SNX29: variants seen among roughly 807,000 people sequenced by gnomAD.
The protein encoded by SNX29 is sorting nexin-29.
SNX29 carries 78 observed loss-of-function variants against 102.1 expected under a neutral mutation model. The ratio of observed to expected loss-of-function variants is 0.76; its 90% CI spans 0.64 to 0.92. SNX29 has a LOEUF of 0.92. SNX29 is among the 40% of genes least tolerant of loss of function. The probability of loss-of-function intolerance (pLI) is 0.00; values close to 1 mark genes in which losing one functional copy is unlikely to be tolerated. For missense variants in SNX29, 1,280 were observed against 1,061.7 expected, an observed-to-expected ratio of 1.21 and a Z score of -2.86; for synonymous variants, 580 against 414.5, an observed-to-expected ratio of 1.40 and a Z score of -4.85.
intron 20 of SNX29, chr16:12,557,502 C>G (rs911729517): frequency 6.6e-6 from 1 of 152,170 alleles, no homozygotes; most frequent in African/African-American, 2.4e-5. Context: ...GCTGGGATTA[C>G]AGGAACACAC....
rs562573434 is a variant in SNX29 at position 12,154,703 on chromosome 16, G to A, written c.1595+24945G>A. 2.6e-5 allele frequency among the ~76,000 whole-genome samples: 4 copies of A among 152,304 alleles called. No individual in the cohort carries two copies. In the South Asian group the frequency reaches 6.2e-4, roughly 24 times the overall value. On this transcript the variant is annotated intron_variant, in intron 13 of 20. Coordinates refer to ENST00000566228, the MANE Select transcript of SNX29 (RefSeq NM_032167.5). ...AACAACAAATAGATCTCTCATGGTT[G>A]TGGAGGCTGGAAGTCCAAGATCAAG...
At chr16:12,520,152 G>A (rs1384928724) in intron 19 of SNX29, among the ~76,000 whole-genome samples, 1 of 152,188 alleles carries the variant, frequency 6.6e-6, no homozygotes, top group Non-Finnish European at 1.5e-5. Context: ...CAGGGTGTCT[G>A]CACCTCTAGG....
chr16:12,254,533 C>T (rs778443274), intron 14 of SNX29, among the ~76,000 whole-genome samples: 9 of 151,924 alleles, frequency 5.9e-5, no homozygotes, highest in East Asian at 3.9e-4. Flanking sequence ...CCCAGCTACT[C>T]GGGAGGCTAA....
intron 15 of SNX29, among the ~76,000 whole-genome samples, chr16:12,301,537 G>T (rs2080173345): frequency 6.6e-6 from 1 of 152,222 alleles, no homozygotes; most frequent in Non-Finnish European, 1.5e-5. Context: ...ATCCAATGGT[G>T]CCTTCTGTCT....
At chr16:12,399,710 G>A (rs1401871897) in intron 17 of SNX29, among the ~76,000 whole-genome samples, 1 of 152,170 alleles carries the variant, frequency 6.6e-6, no homozygotes, top group Non-Finnish European at 1.5e-5. Context: ...GGCTATTCAT[G>A]TTGGGGCAGC....
At chr16:12,563,358 CTT>C (rs1227818178) in intron 20 of SNX29, among the ~76,000 whole-genome samples, 6 of 152,044 alleles carry the variant, frequency 3.9e-5, no homozygotes, top group African/African-American at 9.6e-5. Flanking sequence ...CTGAGCCTGT[CTT>C]TTATCGCCAC....
chr16:12,058,877 C>A (rs566665409), intron 8 of SNX29, among the ~76,000 whole-genome samples: 18 of 149,520 alleles, frequency 1.2e-4, no homozygotes, highest in African/African-American at 4.2e-4. Flanking sequence ...CTGCAGCCCT[C>A]GACCTCCCAG....
At chr16:12,395,823 A>G (rs750260926) in intron 16 of SNX29, among the ~76,000 whole-genome samples, 5 of 109,502 alleles carry the variant, frequency 4.6e-5, no homozygotes, top group Non-Finnish European at 1.0e-4. Context: ...TCAGCTCTCT[A>G]AAGGGCTGCT....
At chr16:12,561,897 C>T (rs1013745371) in intron 20 of SNX29, among the ~76,000 whole-genome samples, 4 of 152,136 alleles carry the variant, frequency 2.6e-5, no homozygotes, top group East Asian at 3.9e-4. Context: ...CGTGGCATCC[C>T]AGGAGTTCCT....
chr16:12,228,544 T>G (rs1339298062), intron 14 of SNX29, among the ~76,000 whole-genome samples: 1 of 152,220 alleles, frequency 6.6e-6, no homozygotes, highest in Non-Finnish European at 1.5e-5. Flanking sequence ...GCTCAAGATA[T>G]TTTCCTGCTT....
At chr16:12,097,723 G>C (rs1279063883) in intron 11 of SNX29, among the ~76,000 whole-genome samples, 1 of 152,136 alleles carries the variant, frequency 6.6e-6, no homozygotes, top group Admixed American at 6.5e-5. Context: ...ATCTCAGCTG[G>C]GCCAGGCAGC....
intron 20 of SNX29, chr16:12,546,493 A>G (rs1025422067): frequency 1.7e-4 from 26 of 152,192 alleles, no homozygotes; most frequent in Admixed American, 1.3e-4. Context: ...ACAGCACAGG[A>G]AAGACTCGCC....
rs140663791 is a variant in SNX29, at chr16:12,571,215, G to A, written c.*2586G>A. The A allele has an allele frequency of 2.0e-3, 457 of 232,358 alleles. 1 individual carries two copies. The highest frequency in any genetic ancestry group is 9.3e-3 in the African/African-American group (422 of 45,408). 14.4% of individuals were successfully genotyped at this position (232,358 alleles called of 1,614,324 possible). ...CTTCAGGCAACAAACAACTGGCAGGGTTCCCAGTTCCTGGAGTTATGGAGC... is the reference window on the plus strand; with the variant it reads ...CTTCAGGCAACAAACAACTGGCAGGATTCCCAGTTCCTGGAGTTATGGAGC... On this transcript the variant is annotated 3_prime_UTR_variant, in exon 21 of 21. Coordinates refer to ENST00000566228, the MANE Select transcript of SNX29 (RefSeq NM_032167.5).
intron 20 of SNX29, among the ~76,000 whole-genome samples, chr16:12,549,015 T>C (rs2561036): frequency 0.33 from 49,728 of 152,126 alleles, 10,147 homozygotes; most frequent in East Asian, 0.74. Context: ...TGTAACAGCA[T>C]AAAAAGCTTG....
chr16:12,546,601 G>C (rs974679545), intron 20 of SNX29: 1 of 152,124 alleles, frequency 6.6e-6, no homozygotes, highest in East Asian at 1.9e-4. Flanking sequence ...GGATAATACA[G>C]GTGGAACATA....
chr16:11,979,942 C>T (rs541391448), intron 1 of SNX29, among the ~76,000 whole-genome samples: 38 of 152,128 alleles, frequency 2.5e-4, no homozygotes, highest in East Asian at 9.6e-4. Context: ...GTGCTCCGGC[C>T]ATAACATTTT....
chr16:12,363,267 C>G (rs1004266705), intron 16 of SNX29, among the ~76,000 whole-genome samples: 6 of 152,204 alleles, frequency 3.9e-5, no homozygotes, highest in Non-Finnish European at 5.9e-5. Context: ...CCGTTTCCAG[C>G]TCAGTTTTCC....
At chr16:12,305,805 C>A (rs747982642) in intron 15 of SNX29, among the ~76,000 whole-genome samples, 1 of 152,088 alleles carries the variant, frequency 6.6e-6, no homozygotes, top group Non-Finnish European at 1.5e-5. Context: ...GACTGTGTTT[C>A]CACTTAGAAT....
intron 15 of SNX29, among the ~76,000 whole-genome samples, chr16:12,345,600 G>A (rs925259923): frequency 4.6e-5 from 7 of 152,184 alleles, no homozygotes; most frequent in Non-Finnish European, 7.3e-5. Flanking sequence ...AACAGTAACT[G>A]TTGTTGCCAC....
Sources: gnomAD v4.1 joint callset for allele counts (sites outside exome capture counted in the v4.1 genomes callset) on GRCh38, gnomAD v4.1.1 for gene constraint, MANE v1.5 for transcripts, NCBI Gene and HGNC (gene_info 2026-07-23, HGNC 2026-07-21) for gene names.